The following NOTCH4 variants were observed in gnomAD, a reference collection of about 807,000 sequenced individuals.
The protein encoded by NOTCH4 is neurogenic locus notch homolog protein 4.
Under a neutral mutation model 189.0 loss-of-function variants are expected in NOTCH4, and 138 were observed. That is an observed-to-expected ratio of 0.73 (90% confidence interval 0.64 to 0.84). The LOEUF is 0.84. Among genes scored for constraint, NOTCH4 ranks in the 40% least tolerant of loss-of-function variants. The probability of loss-of-function intolerance (pLI) is 0.00; values close to 1 mark genes in which losing one functional copy is unlikely to be tolerated. For missense variants in NOTCH4, 2,286 were observed against 2,605.4 expected (o/e 0.88, Z 2.67); for synonymous variants, 942 against 1,032.8 (o/e 0.91, Z 1.69).
chr6:32,204,314 C>T lies in NOTCH4; in HGVS notation c.2941G>A (p.Gly981Arg). 6.2e-7 allele frequency: 1 copy of T among 1,613,018 alleles called. No homozygotes were observed. Among genetic ancestry groups the T allele is most frequent in the Non-Finnish European group, 8.5e-7 (1 of 1,179,972 alleles). ...CCTCCAGGTTTGGGAGTACAGGTTC[C>T]ATGGTTGTGACAGGGTTGGGACTGA... The part of the protein sequence containing the change: ...ACQSQPCHNH[G>R]TCTPKPGGFH... The change falls in exon 19 of 30, where the codon GGA (glycine) becomes AGA (arginine). Residue 981 changes from glycine to arginine, a missense_variant. Gly to Arg is a moderately radical substitution (Grantham distance 125). This residue lies in a region of NOTCH4 where 1,903 missense variants were observed against 2,261.9 expected (regional missense o/e 0.84). Transcript: ENST00000375023.
rs1787832842 is a variant in NOTCH4 at position 32,195,710 on chromosome 6, G to A, written c.5739C>T (p.Gly1913=). ...CGCGCATGCCTGCAGAAAACCTACG[G>A]CCGCGAGGGGTCGGGCCTCCTCCTG... ...VGAGGGPTPR[G]RRFSAGMRGP... is the part of the protein sequence containing the mutation. The change falls in exon 30 of 30, where the codon GGC becomes GGT. Residue 1913 remains glycine, a synonymous_variant. Transcript: ENST00000375023. This position sits in a 1 kb window ranked among gnomAD's most constrained non-coding sequence, Gnocchi z 5.4. The A allele has an allele frequency of 6.2e-7, 1 of 1,612,898 alleles. No homozygotes were observed. The highest frequency in any genetic ancestry group is 1.3e-5 in the African/African-American group (1 of 75,066).
chr6:32,200,790 C>T lies in NOTCH4; in HGVS notation c.4315+41G>A, dbSNP rs1261891306. 1.3e-6 allele frequency: 2 copies of T among 1,527,724 alleles called. No individual in the cohort carries two copies. The highest frequency in any genetic ancestry group is 1.4e-5 in the African/African-American group (1 of 72,616). 94.6% of individuals were successfully genotyped at this position (1,527,724 alleles called of 1,614,324 possible). A position where few individuals can be genotyped will look rare whatever the true frequency, so the allele number is the denominator to read the frequency against. ...GCCTGTTGCTAGCATGAGAGCTGGC[C>T]TGGGAACAGAGGTCAGAGAAAGTGG... On this transcript the variant is annotated intron_variant, in intron 23 of 29. Coordinates refer to ENST00000375023, the MANE Select transcript of NOTCH4 (RefSeq NM_004557.4). The surrounding 1 kb of genome is among the most constrained non-coding windows in gnomAD (Gnocchi z 5.0).
At chr6:32,208,452 G>A (rs1048749424) in intron 18 of NOTCH4, among the ~76,000 whole-genome samples, 3 of 152,226 alleles carry the variant, frequency 2.0e-5, no homozygotes, top group Admixed American at 2.0e-4. Flanking sequence ...AAACACAAGG[G>A]CCAAGTGTGG....
rs72846305 is a variant in NOTCH4 at position 32,194,917 on chromosome 6, G to A, written c.*520C>T. The A allele has an allele frequency of 1.9e-3, 443 of 234,602 alleles. 1 individual carries two copies. The highest frequency in any genetic ancestry group is 2.8e-3 in the Non-Finnish European group (339 of 118,970). The allele number at this position is 234,602 out of a possible 1,614,324, so 14.5% of individuals were successfully genotyped here. A position where few individuals can be genotyped will look rare whatever the true frequency, so the allele number is the denominator to read the frequency against. The stretch of plus-strand genomic sequence containing the variant: ...ATAGCGATAGCAGTGGCTAGAAGAA[G>A]CGCTTCATCCCCACAGTGGAGTTCT... On this transcript the variant is annotated 3_prime_UTR_variant, in exon 30 of 30. Transcript: ENST00000375023. The surrounding 1 kb of genome is among the most constrained non-coding windows in gnomAD (Gnocchi z 4.5).
intron 18 of NOTCH4, among the ~76,000 whole-genome samples, chr6:32,206,703 A>C (rs999466746): frequency 1.3e-5 from 2 of 152,074 alleles, no homozygotes; most frequent in Non-Finnish European, 2.9e-5. Flanking sequence ...ACAACCCTAA[A>C]ATTTATCTGA....
intron 3 of NOTCH4, among the ~76,000 whole-genome samples, chr6:32,222,199 G>C (rs1274092407): frequency 7.0e-6 from 1 of 141,988 alleles, no homozygotes; most frequent in Admixed American, 6.9e-5. Context: ...CTGGTATGCA[G>C]AGCAATGACC....
chr6:32,202,377 A>G lies in NOTCH4; in HGVS notation c.3454T>C (p.Leu1152=), dbSNP rs747878659. 6.2e-7 allele frequency: 1 copy of G among 1,612,782 alleles called. No individual in the cohort carries two copies. Among genetic ancestry groups the G allele is most frequent in the South Asian group, 1.1e-5 (1 of 91,064 alleles). The change falls in exon 21 of 30, where the codon TTG becomes CTG. Residue 1152 remains leucine (L), a synonymous_variant. Coordinates refer to ENST00000375023, the MANE Select transcript of NOTCH4 (RefSeq NM_004557.4). The surrounding 1 kb of genome is among the most constrained non-coding windows in gnomAD (Gnocchi z 5.7). ...YNGSCSETTG[L]GGPGFRCSCP... ...GAGCATCGAAAGCCTGGGCCCCCCAAGCCCGTGGTCTCTGAGCAGCTGCCA... is the reference window on the plus strand; with the variant it reads ...GAGCATCGAAAGCCTGGGCCCCCCAGGCCCGTGGTCTCTGAGCAGCTGCCA...
rs199672847 is a variant in NOTCH4, at chr6:32,195,837, C to T, written c.5612G>A (p.Arg1871His). The part of the protein sequence containing the change: ...CRTLSAGAGP[R>H]GGGACLQART... Reference sequence around the variant, plus strand: ...AGCCTGCAGACAAGCTCCGCCCCCACGAGGGCCTGCTCCGGCTGACAGCGT... The same window carrying T: ...AGCCTGCAGACAAGCTCCGCCCCCATGAGGGCCTGCTCCGGCTGACAGCGT... The change falls in exon 30 of 30, where the codon CGT becomes CAT. Residue 1871 changes from arginine to histidine, a missense_variant. Arg to His is a conservative substitution (Grantham distance 29). Transcript: ENST00000375023. The surrounding 1 kb of genome is among the most constrained non-coding windows in gnomAD (Gnocchi z 5.4). 7.6e-5 allele frequency: 122 copies of T among 1,597,976 alleles called. No individual in the cohort carries two copies. Among genetic ancestry groups the T allele is most frequent in the Non-Finnish European group, 6.6e-5 (78 of 1,178,570 alleles).
chr6:32,222,961 T>C (rs2127491700), intron 2 of NOTCH4, 44 bp downstream of exon 2: 2 of 1,556,188 alleles, frequency 1.3e-6, no homozygotes, highest in Non-Finnish European at 1.8e-6. Flanking sequence ...CTGCTCTCCC[T>C]CCCCCTTTCT....
Position 32,195,529 on chromosome 6 carries a change from G to C in NOTCH4, c.5920C>G (p.Pro1974Ala), listed in dbSNP as rs150089454. 6 of 1,612,994 alleles carry C rather than the reference G, an allele frequency of 3.7e-6. No homozygotes were observed. The African/African-American group carries it at 6.7e-5, about 18-fold the overall frequency. ...TGAGGTGATCCCCGCTCCGGGGACG[G>C]AGTAAGGCAAGGAGGCGGGATCGGA... ...NIPIPPPCLT[P>A]SPERGSPQLD... Residue 1974 changes from proline (P) to alanine (A), a missense_variant, in exon 30 of 30, where the codon CCG becomes GCG. Pro to Ala is a conservative substitution (Grantham distance 27, BLOSUM62 -1). Coordinates refer to ENST00000375023, the MANE Select transcript of NOTCH4 (RefSeq NM_004557.4). This position sits in a 1 kb window ranked among gnomAD's most constrained non-coding sequence, Gnocchi z 5.4.
Position 32,201,821 on chromosome 6 carries a change from G to A in NOTCH4, c.3755+255C>T. 2.4e-6 allele frequency: 1 copy of A among 414,022 alleles called. No individual in the cohort carries two copies. Among genetic ancestry groups the A allele is most frequent in the Non-Finnish European group, 4.2e-6 (1 of 238,440 alleles). 25.6% of individuals were successfully genotyped at this position (414,022 alleles called of 1,614,324 possible). A position where few individuals can be genotyped will look rare whatever the true frequency, so the allele number is the denominator to read the frequency against. ...CTCCATGGCAGCAAGGCTTAGGGAAGGAGGCTTGAGACCTGAGTTCCTTCA... is the reference window on the plus strand; with the variant it reads ...CTCCATGGCAGCAAGGCTTAGGGAAAGAGGCTTGAGACCTGAGTTCCTTCA... On this transcript the variant is annotated intron_variant, in intron 21 of 29. Transcript: ENST00000375023. The surrounding 1 kb of genome is among the most constrained non-coding windows in gnomAD (Gnocchi z 5.5).
rs1234115392 is a variant in NOTCH4, at chr6:32,221,083, C to T, written c.694G>A (p.Glu232Lys). 4 of 1,613,026 alleles carry T rather than the reference C, an allele frequency of 2.5e-6. No individual in the cohort carries two copies. Among genetic ancestry groups the T allele is most frequent in the Non-Finnish European group, 1.7e-6 (2 of 1,179,984 alleles). ...CPVGQEGPRCELRAGPCPPRG... is the reference protein window; with the variant it reads ...CPVGQEGPRCKLRAGPCPPRG... ...GGAGGGCAGGGTCCTGCCCGCAGCT[C>T]ACAACGTGGACCCTCCTGCCCCACA... Residue 232 changes from glutamate (E) to lysine (K), a missense_variant, in exon 4 of 30, where the codon GAG becomes AAG. Around this residue, in one of 2 missense-constraint regions of NOTCH4, gnomAD observed 1,903 missense variants for 2,261.9 expected, o/e 0.84. Coordinates refer to ENST00000375023, the MANE Select transcript of NOTCH4 (RefSeq NM_004557.4). The surrounding 1 kb of genome is among the most constrained non-coding windows in gnomAD (Gnocchi z 4.3).
chr6:32,197,100 T>G, intron 27 of NOTCH4, 28 bp from the exon 28 acceptor site: 1 of 1,608,738 alleles, frequency 6.2e-7, no homozygotes, highest in African/African-American at 1.3e-5. Flanking sequence ...CAGTGACCCC[T>G]GGGGTACCTT....
intron 18 of NOTCH4, among the ~76,000 whole-genome samples, chr6:32,205,253 AAAG>A (rs1386181222): frequency 6.6e-6 from 1 of 152,054 alleles, no homozygotes; most frequent in Non-Finnish European, 1.5e-5. Context: ...GAGCTTCATA[AAAG>A]AAGAAGTAAA....
chr6:32,203,817 C>T lies in NOTCH4; in HGVS notation c.3184G>A (p.Glu1062Lys), dbSNP rs1044502714. 1.7e-5 allele frequency: 27 copies of T among 1,562,034 alleles called. No homozygotes were observed. Among genetic ancestry groups the T allele is most frequent in the Non-Finnish European group, 2.2e-5 (25 of 1,152,662 alleles). ...SQPCFHGGTC[E>K]ATAGSPLGFI... ...CCCAGGGGTGATCCTGCTGTGGCCT[C>T]ACAGGTCCCTCCATGAAAGCAGGGT... is the stretch of plus-strand genomic sequence containing the variant. Residue 1062 changes from glutamate (E) to lysine (K), a missense_variant, in exon 20 of 30, where the codon GAG (glutamate) becomes AAG (lysine). Physicochemically the swap from Glu to Lys is moderately conservative, Grantham distance 56. Coordinates refer to ENST00000375023, the MANE Select transcript of NOTCH4 (RefSeq NM_004557.4).
chr6:32,198,096 C>T lies in NOTCH4; in HGVS notation c.4756+325G>A, dbSNP rs966503983. Among the ~76,000 whole-genome samples, 1 of 152,232 alleles carries T rather than the reference C, an allele frequency of 6.6e-6. No individual in the cohort carries two copies. The highest frequency in any genetic ancestry group is 2.4e-5 in the African/African-American group (1 of 41,466). ...TTGGCCTCCCAAAGTGCTGGGATTA[C>T]AGGCGTGAGCCACCACGCCCGGCCT... On this transcript the variant is annotated intron_variant, in intron 26 of 29. Transcript: ENST00000375023. The surrounding 1 kb of genome is among the most constrained non-coding windows in gnomAD (Gnocchi z 5.5).
Position 32,219,803 on chromosome 6 carries a change from G to A in NOTCH4, c.1316-17C>T, listed in dbSNP as rs1789634734. 1 of 1,605,758 alleles carries A rather than the reference G, an allele frequency of 6.2e-7. No individual in the cohort carries two copies. The highest frequency in any genetic ancestry group is 1.3e-5 in the African/African-American group (1 of 74,774). ...CTTGCTGGGCTGGGAGGAGAGAAGAGCTGGGAGTCCACAGGGGTCAGGGCA... is the reference window on the plus strand; with the variant it reads ...CTTGCTGGGCTGGGAGGAGAGAAGAACTGGGAGTCCACAGGGGTCAGGGCA... On this transcript the variant is annotated splice_polypyrimidine_tract_variant and intron_variant, in intron 7 of 29. Coordinates refer to ENST00000375023, the MANE Select transcript of NOTCH4 (RefSeq NM_004557.4).
intron 20 of NOTCH4, chr6:32,203,095 G>C (rs1788456983): frequency 6.6e-6 from 1 of 152,244 alleles, no homozygotes; most frequent in Non-Finnish European, 1.5e-5. Flanking sequence ...GTAGAGACAG[G>C]GTTTCTCCAT....
At chr6:32,204,540 C>A in intron 18 of NOTCH4, 151 bp from the exon 19 acceptor site, 8 of 850,208 alleles carry the variant, frequency 9.4e-6, no homozygotes, top group Non-Finnish European at 1.1e-5. Flanking sequence ...GTGTCACAAT[C>A]CTTCTATCTC....
Sources: allele counts gnomAD v4.1 joint callset (sites outside exome capture counted in the v4.1 genomes callset), GRCh38; gene constraint gnomAD v4.1.1; regional missense constraint gnomAD v4.1.1; non-coding constraint Gnocchi (gnomAD v3.1); transcripts MANE v1.5; gene names NCBI Gene and HGNC (gene_info 2026-07-23, HGNC 2026-07-21).